Variants in RBFOX1 observed in about 807,000 individuals in gnomAD.
RBFOX1 encodes the protein RNA binding protein fox-1 homolog 1.
In RBFOX1, 8 loss-of-function variants were observed where a neutral mutation model predicts 57.7. The ratio of observed to expected loss-of-function variants is 0.14; its 90% CI spans 0.08 to 0.25. The LOEUF (loss-of-function observed/expected upper bound fraction) is 0.25. Among genes scored for constraint, RBFOX1 ranks in the 10% least tolerant of loss-of-function variants. The probability of loss-of-function intolerance (pLI) is 1.00; values close to 1 mark genes in which losing one functional copy is unlikely to be tolerated. For synonymous variants in RBFOX1, 326 were observed against 222.4 expected, an observed-to-expected ratio of 1.47 and a Z score of -4.15; for missense variants, 611 against 548.5, an observed-to-expected ratio of 1.11 and a Z score of -1.14.
chr16:6,365,157 C>T (rs2089343243), intron 2 of RBFOX1, among the ~76,000 whole-genome samples: 2 of 152,124 alleles, frequency 1.3e-5, no homozygotes, highest in Non-Finnish European at 2.9e-5. Flanking sequence ...ATCAGAATAG[C>T]AGCTATAAAT....
chr16:7,293,155 A>G (rs2095826606), intron 4 of RBFOX1, among the ~76,000 whole-genome samples: 1 of 152,218 alleles, frequency 6.6e-6, no homozygotes, highest in African/African-American at 2.4e-5. Flanking sequence ...TCAACTGCAG[A>G]TCAAAAATAT....
chr16:6,093,426 A>C (rs1351821361), intron 1 of RBFOX1, among the ~76,000 whole-genome samples: 2 of 152,074 alleles, frequency 1.3e-5, no homozygotes, highest in Non-Finnish European at 2.9e-5. Flanking sequence ...ATAATAATAA[A>C]ATCATAGTAT....
At chr16:6,873,779 A>T (rs1192993589) in intron 3 of RBFOX1, 2 of 152,182 alleles carry the variant, frequency 1.3e-5, no homozygotes, top group Non-Finnish European at 2.9e-5. Context: ...TAATTATTGC[A>T]GCAACTCTGT....
intron 4 of RBFOX1, among the ~76,000 whole-genome samples, chr16:7,150,558 A>G (rs2075916165): frequency 6.6e-6 from 1 of 152,140 alleles, no homozygotes; most frequent in Non-Finnish European, 1.5e-5. Context: ...TCAACTCTTA[A>G]CAGATATTTT....
intron 3 of RBFOX1, among the ~76,000 whole-genome samples, chr16:5,862,481 C>T (rs923610473): frequency 4.6e-5 from 7 of 152,062 alleles, no homozygotes; most frequent in African/African-American, 1.7e-4. Flanking sequence ...GATGGGGTGA[C>T]CTGCATCAAT....
intron 4 of RBFOX1, among the ~76,000 whole-genome samples, chr16:5,963,882 A>G (rs1243680282): frequency 1.3e-5 from 2 of 152,256 alleles, no homozygotes; most frequent in African/African-American, 2.4e-5. Flanking sequence ...CACAGGCAAC[A>G]AAAGCAAAAA....
chr16:7,675,243 C>G (rs2072919746), intron 13 of RBFOX1, among the ~76,000 whole-genome samples: 1 of 152,000 alleles, frequency 6.6e-6, no homozygotes, highest in Non-Finnish European at 1.5e-5. Flanking sequence ...GTCCGTCACT[C>G]TGTTGAACTC....
intron 2 of RBFOX1, among the ~76,000 whole-genome samples, chr16:6,355,840 C>T (rs547112620): frequency 4.6e-5 from 7 of 152,224 alleles, no homozygotes; most frequent in Non-Finnish European, 1.0e-4. Context: ...ATTCTATATT[C>T]TTTCAACTAG....
intron 4 of RBFOX1, among the ~76,000 whole-genome samples, chr16:7,173,537 C>A (rs1219660079): frequency 6.6e-6 from 1 of 151,924 alleles, no homozygotes; most frequent in Non-Finnish European, 1.5e-5. Context: ...TCCTTGCTTA[C>A]TTCATTGTAT....
intron 4 of RBFOX1, among the ~76,000 whole-genome samples, chr16:7,486,853 T>C (rs1315562860): frequency 6.6e-6 from 1 of 152,182 alleles, no homozygotes; most frequent in Non-Finnish European, 1.5e-5. Context: ...TTGTTCAGCC[T>C]CCTTGCCACT....
At chr16:6,210,630 G>A (rs1434796822) in intron 1 of RBFOX1, among the ~76,000 whole-genome samples, 2 of 152,080 alleles carry the variant, frequency 1.3e-5, no homozygotes, top group Non-Finnish European at 2.9e-5. Context: ...GCTGAGCTGG[G>A]AGGATCACTT....
chr16:6,083,336 A>G (rs1260705650), intron 1 of RBFOX1, among the ~76,000 whole-genome samples: 1 of 152,142 alleles, frequency 6.6e-6, no homozygotes, highest in Admixed American at 6.5e-5. Flanking sequence ...AACATGCTTT[A>G]TTAGCTGTAG....
At chr16:6,948,386 T>TC (rs1178287508) in intron 3 of RBFOX1, among the ~76,000 whole-genome samples, 7 of 132,818 alleles carry the variant, frequency 5.3e-5, no homozygotes, top group African/African-American at 2.0e-4. Context: ...TTTTTTTTTT[T>TC]TTTTTTTTTT....
At chr16:6,959,735 G>C (rs993523134) in intron 3 of RBFOX1, among the ~76,000 whole-genome samples, 2 of 152,066 alleles carry the variant, frequency 1.3e-5, no homozygotes, top group South Asian at 4.1e-4. Flanking sequence ...TCAGGAGTTC[G>C]AGACCAGCCT....
chr16:5,969,972 A>T (rs1328896433), intron 4 of RBFOX1, among the ~76,000 whole-genome samples: 3 of 152,070 alleles, frequency 2.0e-5, no homozygotes, highest in Non-Finnish European at 4.4e-5. Flanking sequence ...TTCGCAGCTC[A>T]CTGGGGATAC....
At chr16:6,384,983 G>A (rs182126274) in intron 2 of RBFOX1, among the ~76,000 whole-genome samples, 3 of 152,264 alleles carry the variant, frequency 2.0e-5, no homozygotes, top group Admixed American at 1.3e-4. Flanking sequence ...GTCCGAGTGG[G>A]TGTCACTCAC....
intron 3 of RBFOX1, among the ~76,000 whole-genome samples, chr16:6,902,964 T>C (rs778225405): frequency 6.6e-6 from 1 of 152,132 alleles, no homozygotes; most frequent in Non-Finnish European, 1.5e-5. Flanking sequence ...GCAGAGAAGA[T>C]GGACATAAAC....
intron 4 of RBFOX1, among the ~76,000 whole-genome samples, chr16:7,087,381 A>G (rs920133308): frequency 6.6e-6 from 1 of 152,084 alleles, no homozygotes; most frequent in Non-Finnish European, 1.5e-5. Flanking sequence ...TTGATGATCA[A>G]CACCATCGCT....
chr16:7,479,713 G>C (rs574631361), intron 4 of RBFOX1, among the ~76,000 whole-genome samples: 121 of 152,268 alleles, frequency 7.9e-4, no homozygotes, highest in African/African-American at 2.8e-3. Context: ...TGGGGCACCT[G>C]GAGGGGGGGC....
Sources: gnomAD v4.1 joint callset for allele counts (sites outside exome capture counted in the v4.1 genomes callset) on GRCh38, gnomAD v4.1.1 for gene constraint, MANE v1.5 for transcripts, NCBI Gene and HGNC (gene_info 2026-07-23, HGNC 2026-07-21) for gene names.